TTC28: variants seen among roughly 807,000 people sequenced by gnomAD.
TTC28 encodes tetratricopeptide repeat domain 28.
TTC28 carries 61 observed loss-of-function variants against 198.0 expected under a neutral mutation model. The observed-to-expected ratio is 0.31, with a 90% CI of 0.25 to 0.38. TTC28 has a LOEUF of 0.38. TTC28 is among the 10% of genes least tolerant of loss of function. TTC28 has a pLI of 1.00. For missense variants in TTC28, 2,678 were observed against 3,164.0 expected (o/e 0.85, Z 3.69); for synonymous variants, 1,171 against 1,297.8 (o/e 0.90, Z 2.10).
At chr22:28,149,850 T>C (rs1393372603) in intron 6 of TTC28, among the ~76,000 whole-genome samples, 1 of 152,178 alleles carries the variant, frequency 6.6e-6, no homozygotes, top group Non-Finnish European at 1.5e-5. Flanking sequence ...GTGACTGTAG[T>C]TAATAATGTA....
intron 2 of TTC28, among the ~76,000 whole-genome samples, chr22:28,445,290 G>A (rs1431606339): frequency 2.6e-5 from 4 of 152,144 alleles, no homozygotes; most frequent in African/African-American, 4.8e-5. Flanking sequence ...AGAAAGTTAC[G>A]AAGAAGTTAG....
intron 1 of TTC28, among the ~76,000 whole-genome samples, chr22:28,647,747 G>A: frequency 6.6e-6 from 1 of 151,934 alleles, no homozygotes; most frequent in African/African-American, 2.4e-5. Flanking sequence ...GCTGAGGCAA[G>A]AGAATGGTGT....
At chr22:28,382,238 G>A (rs2146027752) in intron 2 of TTC28, among the ~76,000 whole-genome samples, 1 of 152,202 alleles carries the variant, frequency 6.6e-6, no homozygotes, top group Admixed American at 6.5e-5. Context: ...TAAATTCTCT[G>A]TATTTTTCCC....
At chr22:28,231,520 A>C (rs1420460336) in intron 5 of TTC28, among the ~76,000 whole-genome samples, 1 of 152,242 alleles carries the variant, frequency 6.6e-6, no homozygotes, top group Non-Finnish European at 1.5e-5. Flanking sequence ...GTCACAAGAT[A>C]AACCTAATAC....
intron 2 of TTC28, among the ~76,000 whole-genome samples, chr22:28,309,182 A>C (rs1185247741): frequency 6.6e-6 from 1 of 152,226 alleles, no homozygotes; most frequent in Non-Finnish European, 1.5e-5. Flanking sequence ...TAATGGGAAA[A>C]GAATCTTAAT....
chr22:28,436,514 T>C (rs995833218), intron 2 of TTC28, among the ~76,000 whole-genome samples: 2 of 152,058 alleles, frequency 1.3e-5, no homozygotes, highest in Non-Finnish European at 2.9e-5. Context: ...TCTTAAAGTA[T>C]AACCAGTAAC....
intron 21 of TTC28, chr22:27,985,570 C>G (rs1937182099): frequency 2.2e-6 from 1 of 449,552 alleles, no homozygotes; most frequent in Non-Finnish European, 4.2e-6. Context: ...CTACGCAGCC[C>G]CCATTTGGCG....
chr22:28,609,612 C>T (rs548736050), intron 2 of TTC28, among the ~76,000 whole-genome samples: 1 of 152,168 alleles, frequency 6.6e-6, no homozygotes, highest in South Asian at 2.1e-4. Context: ...GCCTATGCCA[C>T]CAGGGCCCTG....
At chr22:28,014,114 C>G in intron 14 of TTC28, 134 bp downstream of exon 14, 2 of 1,114,240 alleles carry the variant, frequency 1.8e-6, no homozygotes, top group Non-Finnish European at 2.5e-6. Flanking sequence ...CTGGACAGAG[C>G]GGACTTGTGT....
At chr22:28,339,598 C>T (rs901509722) in intron 2 of TTC28, among the ~76,000 whole-genome samples, 2 of 152,300 alleles carry the variant, frequency 1.3e-5, no homozygotes, top group African/African-American at 2.4e-5. Flanking sequence ...TGGCGGGCGC[C>T]CCTCCCCTAG....
intron 2 of TTC28, among the ~76,000 whole-genome samples, chr22:28,529,972 T>G (rs2103943): frequency 1 from 152,340 of 152,342 alleles, 76,169 homozygotes; most frequent in Non-Finnish European, 1. Flanking sequence ...CAGAAAAGCT[T>G]CAAATTCTAA....
chr22:28,238,898 T>C, intron 5 of TTC28, among the ~76,000 whole-genome samples: 1 of 152,174 alleles, frequency 6.6e-6, no homozygotes, highest in Non-Finnish European at 1.5e-5. Context: ...TTCCACAAAT[T>C]CCAGATGGTT....
intron 1 of TTC28, among the ~76,000 whole-genome samples, chr22:28,673,716 GT>G (rs1220476966): frequency 6.6e-6 from 1 of 152,142 alleles, no homozygotes; most frequent in Non-Finnish European, 1.5e-5. Context: ...GTTAGTGTTT[GT>G]TTTTGGAAGA....
chr22:28,396,634 A>C (rs2046822363), intron 2 of TTC28, among the ~76,000 whole-genome samples: 1 of 152,206 alleles, frequency 6.6e-6, no homozygotes, highest in African/African-American at 2.4e-5. Context: ...ACCCTGAATC[A>C]ATAACCCACA....
intron 2 of TTC28, among the ~76,000 whole-genome samples, chr22:28,456,427 C>T (rs2096465210): frequency 6.6e-6 from 1 of 151,756 alleles, no homozygotes; most frequent in African/African-American, 2.4e-5. Flanking sequence ...TGTAAAAATA[C>T]AAAAAAAGTG....
At chr22:28,035,997 T>C (rs1206299618) in intron 12 of TTC28, among the ~76,000 whole-genome samples, 1 of 152,274 alleles carries the variant, frequency 6.6e-6, no homozygotes, top group East Asian at 1.9e-4. Flanking sequence ...AGCAAGTCCT[T>C]AGAGACCTAC....
rs751718639 is a variant in TTC28, at chr22:28,162,970, C to T, written c.1441+122G>A. The T allele has an allele frequency of 8.6e-6, 11 of 1,279,248 alleles. No homozygotes were observed. The South Asian group carries it at 1.4e-4, about 17-fold the overall frequency. The allele number at this position is 1,279,248 out of a possible 1,614,324, so 79.2% of individuals were successfully genotyped here. A position where few individuals can be genotyped will look rare whatever the true frequency, so the allele number is the denominator to read the frequency against. ...AAAAGAAAAGGAAAAGAAAAGAGCA[C>T]ACACAATAAGGATATTCTTTTAAAT... On this transcript the variant is annotated intron_variant, in intron 6 of 22. Transcript: ENST00000397906.
intron 2 of TTC28, among the ~76,000 whole-genome samples, chr22:28,427,782 A>T (rs2047372069): frequency 6.6e-6 from 1 of 152,092 alleles, no homozygotes; most frequent in South Asian, 2.1e-4. Flanking sequence ...AAAAAAAAAG[A>T]AGTCGAATTC....
intron 2 of TTC28, among the ~76,000 whole-genome samples, chr22:28,522,113 A>G (rs2048919946): frequency 6.6e-6 from 1 of 152,246 alleles, no homozygotes; most frequent in Admixed American, 6.5e-5. Context: ...ATGAGCAAAA[A>G]ACAAACAAGA....
Sources: gnomAD v4.1 joint callset for allele counts (sites outside exome capture counted in the v4.1 genomes callset) on GRCh38, gnomAD v4.1.1 for gene constraint, MANE v1.5 for transcripts, NCBI Gene and HGNC (gene_info 2026-07-23, HGNC 2026-07-21) for gene names.